The following ISM1 variants were observed in gnomAD, a reference collection of about 807,000 sequenced individuals.
ISM1 encodes isthmin-1.
Under a neutral mutation model 46.3 loss-of-function variants are expected in ISM1, and 25 were observed. The observed-to-expected ratio is 0.54, with a 90% confidence interval of 0.39 to 0.75. The LOEUF (loss-of-function observed/expected upper bound fraction) is 0.75, where lower values mean the gene tolerates loss of function less well. ISM1 is among the 30% of genes least tolerant of loss of function. The pLI is 0.00. For synonymous variants in ISM1, 255 were observed against 256.7 expected (o/e 0.99, Z 0.06); for missense variants, 536 against 625.4 (o/e 0.86, Z 1.52).
intron 1 of ISM1, among the ~76,000 whole-genome samples, chr20:13,270,273 T>C (rs2040096803): frequency 6.6e-6 from 1 of 152,194 alleles, no homozygotes; most frequent in Admixed American, 6.5e-5. Flanking sequence ...AGCCCATAAC[T>C]CATTAACACT....
chr20:13,239,517 G>T (rs2039692349), intron 1 of ISM1: 1 of 152,228 alleles, frequency 6.6e-6, no homozygotes, highest in Non-Finnish European at 1.5e-5. Flanking sequence ...AACGTTCTGT[G>T]TCTTGGTCCT....
At chr20:13,315,926 C>T in the ISM1 span, among the ~76,000 whole-genome samples, 1 of 151,886 alleles carries the variant, frequency 6.6e-6, no homozygotes, top group Non-Finnish European at 1.5e-5. Flanking sequence ...TCAAGACAAA[C>T]TTTTAAACAC....
chr20:13,272,484 A>C (rs563420959), intron 2 of ISM1, among the ~76,000 whole-genome samples: 2 of 152,240 alleles, frequency 1.3e-5, no homozygotes, highest in Admixed American at 1.3e-4. Context: ...TGGAGGGATC[A>C]TGAAGACAGA....
chr20:13,221,786 C>G lies in ISM1; in HGVS notation c.10C>G (p.Leu4Val). 1 of 1,450,718 alleles carries G rather than the reference C, an allele frequency of 6.9e-7. No homozygotes were observed. Among genetic ancestry groups the G allele is most frequent in the African/African-American group, 1.5e-5 (1 of 67,816 alleles). 89.9% of individuals were successfully genotyped at this position (1,450,718 alleles called of 1,614,324 possible). MVR[L>V]AAELLLLLGL... is the part of the protein sequence containing the mutation. ...CGCGCGTCTCAAAAGGATGGTGCGC[C>G]TGGCGGCCGAGCTGCTGCTGCTGCT... is the stretch of plus-strand genomic sequence containing the variant. The change falls in exon 1 of 6, where the codon CTG (leucine) becomes GTG (valine). Residue 4 changes from leucine (L) to valine (V), a missense_variant. Physicochemically the swap from Leu to Val is conservative, Grantham distance 32. Coordinates refer to ENST00000262487, the MANE Select transcript of ISM1 (RefSeq NM_080826.2).
chr20:13,223,162 A>ATAAAATAAAAT (rs1555807184), intron 1 of ISM1, among the ~76,000 whole-genome samples: 1 of 145,988 alleles, frequency 6.8e-6, no homozygotes, highest in South Asian at 2.2e-4. Context: ...GTCTCAAAAA[A>ATAAAATAAAAT]AAAATAAAAT....
intron 1 of ISM1, among the ~76,000 whole-genome samples, chr20:13,241,336 AAG>A (rs2123165187): frequency 6.6e-6 from 1 of 152,332 alleles, no homozygotes; most frequent in South Asian, 2.1e-4. Context: ...GTGGTCAAAA[AAG>A]AGTTTTTGGT....
At chr20:13,249,196 G>T (rs2039837643) in intron 1 of ISM1, among the ~76,000 whole-genome samples, 1 of 152,178 alleles carries the variant, frequency 6.6e-6, no homozygotes, top group Admixed American at 6.5e-5. Context: ...GGGAATCAGG[G>T]TTCCTAATGA....
chr20:13,228,192 C>G (rs972988850), intron 1 of ISM1, among the ~76,000 whole-genome samples: 3 of 151,860 alleles, frequency 2.0e-5, no homozygotes, highest in Non-Finnish European at 4.4e-5. Flanking sequence ...AGGCTGGTCT[C>G]GAACTCTTCA....
chr20:13,275,568 G>A (rs1266837485), intron 2 of ISM1, among the ~76,000 whole-genome samples: 2 of 152,156 alleles, frequency 1.3e-5, no homozygotes, highest in South Asian at 2.1e-4. Context: ...AGCCCCATGC[G>A]GGTTACTGGA....
At chr20:13,286,170 T>C (rs982759433) in intron 3 of ISM1, among the ~76,000 whole-genome samples, 4 of 152,196 alleles carry the variant, frequency 2.6e-5, no homozygotes, top group Admixed American at 6.5e-5. Flanking sequence ...GCCTCGGTGG[T>C]GTGTGCAGGA....
intron 3 of ISM1, among the ~76,000 whole-genome samples, chr20:13,287,488 C>A (rs545888346): frequency 1.3e-5 from 2 of 152,282 alleles, no homozygotes; most frequent in East Asian, 3.9e-4. Context: ...TAGGGTACCA[C>A]CCTCTCCCAC....
chr20:13,246,229 T>C (rs1233194416), intron 1 of ISM1, among the ~76,000 whole-genome samples: 2 of 149,588 alleles, frequency 1.3e-5, no homozygotes, highest in East Asian at 3.9e-4. Context: ...GCCAAGATCA[T>C]GCCACTGCAC....
At chr20:13,287,353 G>A (rs535152950) in intron 3 of ISM1, among the ~76,000 whole-genome samples, 4 of 152,196 alleles carry the variant, frequency 2.6e-5, no homozygotes, top group East Asian at 1.9e-4. Flanking sequence ...TCACTGCCAC[G>A]AAAACAACAT....
chr20:13,273,826 A>C (rs891905647), intron 2 of ISM1, among the ~76,000 whole-genome samples: 1 of 152,198 alleles, frequency 6.6e-6, no homozygotes, highest in Non-Finnish European at 1.5e-5. Context: ...TTTCTGCTCT[A>C]TACAATCCCT....
At chr20:13,267,879 A>G (rs1033940048) in intron 1 of ISM1, among the ~76,000 whole-genome samples, 3 of 152,256 alleles carry the variant, frequency 2.0e-5, no homozygotes, top group Non-Finnish European at 4.4e-5. Flanking sequence ...TACAAGAAGT[A>G]CTAAAGCAAT....
At chr20:13,228,119 C>T (rs1270793371) in intron 1 of ISM1, among the ~76,000 whole-genome samples, 3 of 151,758 alleles carry the variant, frequency 2.0e-5, no homozygotes, top group Non-Finnish European at 4.4e-5. Context: ...ATTACAGGTA[C>T]CCACCACCAT....
intron 1 of ISM1, among the ~76,000 whole-genome samples, chr20:13,227,083 T>C (rs2123125044): frequency 6.6e-6 from 1 of 152,370 alleles, no homozygotes; most frequent in Admixed American, 6.5e-5. Flanking sequence ...TTGTCTTGAA[T>C]ACTTTTTTGT....
In ISM1 at chr20:13,221,810, C is replaced by T; in HGVS notation, c.34C>T (p.Leu12=). 1 of 1,456,814 alleles carries T rather than the reference C, an allele frequency of 6.9e-7. No homozygotes were observed. Among genetic ancestry groups the T allele is most frequent in the Non-Finnish European group, 9.0e-7 (1 of 1,109,928 alleles). The allele number at this position is 1,456,814 out of a possible 1,614,324, so 90.2% of individuals were successfully genotyped here. A position where few individuals can be genotyped will look rare whatever the true frequency, so the allele number is the denominator to read the frequency against. Residue 12 remains leucine, a synonymous_variant, in exon 1 of 6, where the codon CTG becomes TTG. Transcript: ENST00000262487. ...CCTGGCGGCCGAGCTGCTGCTGCTG[C>T]TGGGGCTGCTGCTGCTCACGCTGCA... The part of the protein sequence containing the change: ...VRLAAELLLL[L]GLLLLTLHIT...
chr20:13,284,219 G>A (rs190009516), intron 3 of ISM1, among the ~76,000 whole-genome samples: 2 of 152,314 alleles, frequency 1.3e-5, no homozygotes, highest in Admixed American at 6.5e-5. Context: ...AGGTTTACTA[G>A]TGGCCAAGTC....
Sources: allele counts gnomAD v4.1 joint callset (sites outside exome capture counted in the v4.1 genomes callset), GRCh38; gene constraint gnomAD v4.1.1; transcripts MANE v1.5; gene names NCBI Gene and HGNC (gene_info 2026-07-23, HGNC 2026-07-21).